NALCN: variants seen among roughly 807,000 people sequenced by gnomAD.
NALCN encodes sodium leak channel, non-selective.
Under a neutral mutation model 225.3 loss-of-function variants are expected in NALCN, and 111 were observed. That is an observed-to-expected ratio of 0.49 (90% CI 0.42 to 0.58). NALCN has a LOEUF of 0.58. NALCN is among the 20% of genes least tolerant of loss of function. NALCN has a pLI of 0.00. For synonymous variants in NALCN, 764 were observed against 769.0 expected (o/e 0.99, Z 0.11); for missense variants, 1,378 against 2,202.4 (o/e 0.63, Z 7.49).
chr13:101,345,399 T>G lies in NALCN; in HGVS notation c.666A>C (p.Leu222Phe). 1 of 1,613,452 alleles carries G rather than the reference T, an allele frequency of 6.2e-7. No homozygotes were observed. Among genetic ancestry groups the G allele is most frequent in the African/African-American group, 1.3e-5 (1 of 75,006 alleles). ...TKPGNVTWNS[L>F]AIPDTHCSPE... Reference sequence around the variant, plus strand: ...GTGAGCAGTGTGTGTCTGGAATAGCTAAACTATTCCAGGTTACATTCCTGT... The same window carrying G: ...GTGAGCAGTGTGTGTCTGGAATAGCGAAACTATTCCAGGTTACATTCCTGT... Residue 222 changes from leucine (L) to phenylalanine (F), a missense_variant, in exon 7 of 44, where the codon TTA (leucine) becomes TTC (phenylalanine). Around this residue, in one of 19 missense-constraint regions of NALCN, gnomAD observed 67 missense variants for 82.1 expected, o/e 0.82. Coordinates refer to ENST00000251127, the MANE Select transcript of NALCN (RefSeq NM_052867.4).
intron 13 of NALCN, among the ~76,000 whole-genome samples, chr13:101,219,794 A>G (rs978372642): frequency 4.6e-5 from 7 of 152,144 alleles, no homozygotes; most frequent in African/African-American, 1.7e-4. Context: ...AAGTGACCTA[A>G]TGGATAATAG....
chr13:101,164,407 T>A (rs1334713822), intron 15 of NALCN, among the ~76,000 whole-genome samples: 1 of 152,082 alleles, frequency 6.6e-6, no homozygotes, highest in African/African-American at 2.4e-5. Context: ...TTCTCCTACC[T>A]CAGCCTCACA....
intron 15 of NALCN, among the ~76,000 whole-genome samples, chr13:101,174,855 A>C (rs1046019220): frequency 2.6e-5 from 4 of 152,222 alleles, no homozygotes; most frequent in Non-Finnish European, 4.4e-5. Context: ...AGGATAGTAC[A>C]TATCTGTGCA....
intron 13 of NALCN, among the ~76,000 whole-genome samples, chr13:101,218,235 C>T (rs1402930223): frequency 6.6e-6 from 1 of 152,120 alleles, no homozygotes; most frequent in Non-Finnish European, 1.5e-5. Flanking sequence ...ATTTTGCTAA[C>T]ATAGGAAGAC....
intron 17 of NALCN, among the ~76,000 whole-genome samples, chr13:101,141,647 G>A (rs941304529): frequency 3.3e-5 from 5 of 151,402 alleles, no homozygotes; most frequent in African/African-American, 1.2e-4. Flanking sequence ...AAAGGGGGAG[G>A]TGAAAAAGGA....
At chr13:101,322,437 T>A (rs1035340785) in intron 7 of NALCN, among the ~76,000 whole-genome samples, 3 of 152,228 alleles carry the variant, frequency 2.0e-5, no homozygotes, top group African/African-American at 7.2e-5. Flanking sequence ...AAGTATATGT[T>A]TTTATATTAA....
At chr13:101,408,440 G>A (rs1220378319) in intron 1 of NALCN, among the ~76,000 whole-genome samples, 7 of 152,010 alleles carry the variant, frequency 4.6e-5, no homozygotes, top group South Asian at 2.1e-4. Flanking sequence ...GGAGTCCTGC[G>A]TCTCCCCCAG....
At position 101,090,651 on chromosome 13, in the gene NALCN, T is replaced by C. The variant is rs879296910; in HGVS notation, c.3270-685A>G. Among the ~76,000 whole-genome samples, 7 of 152,218 alleles carry C rather than the reference T, an allele frequency of 4.6e-5. No homozygotes were observed. In the East Asian group the frequency reaches 5.8e-4, roughly 13 times the overall value. ...TGGACTCTTAGTCTGGTCCCCTTTATGGGTGGTATGCTTTCTACCTCCACC... is the reference window on the plus strand; with the variant it reads ...TGGACTCTTAGTCTGGTCCCCTTTACGGGTGGTATGCTTTCTACCTCCACC... On this transcript the variant is annotated intron_variant, in intron 28 of 43. Coordinates refer to ENST00000251127, the MANE Select transcript of NALCN (RefSeq NM_052867.4).
intron 28 of NALCN, among the ~76,000 whole-genome samples, chr13:101,090,479 T>C (rs2034174966): frequency 6.6e-6 from 1 of 152,216 alleles, no homozygotes; most frequent in South Asian, 2.1e-4. Context: ...TATTTCACTT[T>C]GTGTCATCAT....
chr13:101,169,978 T>C (rs1267555163), intron 15 of NALCN, among the ~76,000 whole-genome samples: 1 of 152,200 alleles, frequency 6.6e-6, no homozygotes, highest in African/African-American at 2.4e-5. Flanking sequence ...CATCAGGAGA[T>C]GCAACCAGTG....
chr13:101,287,491 C>A (rs2139026348), intron 9 of NALCN, among the ~76,000 whole-genome samples: 1 of 152,276 alleles, frequency 6.6e-6, no homozygotes, highest in Admixed American at 6.5e-5. Context: ...ACTTTCCAAT[C>A]ATTGTCATTT....
At chr13:101,064,498 A>ACATTAG (rs1191205691) in intron 40 of NALCN, among the ~76,000 whole-genome samples, 1 of 152,124 alleles carries the variant, frequency 6.6e-6, no homozygotes, top group Non-Finnish European at 1.5e-5. Context: ...ACAGTGGAGT[A>ACATTAG]GAATGGACTC....
intron 18 of NALCN, among the ~76,000 whole-genome samples, chr13:101,112,652 G>C (rs1358501001): frequency 6.6e-6 from 1 of 152,190 alleles, no homozygotes; most frequent in Non-Finnish European, 1.5e-5. Context: ...ATGATTTTAT[G>C]ATATGCAAAT....
Position 101,111,129 on chromosome 13 carries a change from G to T in NALCN, c.2290C>A (p.Arg764Ser). 1 of 1,604,138 alleles carries T rather than the reference G, an allele frequency of 6.2e-7. No individual in the cohort carries two copies. ...LSVQHHIRQE[R>S]RSLRHGSNSQ... is the part of the protein sequence containing the mutation. ...CCTGTCTTCCCAAGTATTTACCTGC[G>T]CTCTTGGCGGATATGATGCTGCACG... The change falls in exon 19 of 44, where the codon CGC (arginine) becomes AGC (serine). Residue 764 changes from arginine (R) to serine (S), a missense_variant. Physicochemically the swap from Arg to Ser is moderately radical, Grantham distance 110 (BLOSUM62 -1). This residue lies in a region of NALCN where 66 missense variants were observed against 85.7 expected (regional missense o/e 0.77). Coordinates refer to ENST00000251127, the MANE Select transcript of NALCN (RefSeq NM_052867.4).
chr13:101,199,602 G>A (rs530651862), intron 13 of NALCN, among the ~76,000 whole-genome samples: 1 of 132,274 alleles, frequency 7.6e-6, no homozygotes, highest in Admixed American at 9.3e-5. Flanking sequence ...TGAACAATGA[G>A]AACACTTGGA....
At chr13:101,078,465 T>C (rs1034509243) in intron 34 of NALCN, among the ~76,000 whole-genome samples, 3 of 152,230 alleles carry the variant, frequency 2.0e-5, no homozygotes, top group Admixed American at 1.3e-4. Context: ...CCTGGATATA[T>C]ATAAGACAGA....
At chr13:101,188,648 A>C (rs1225009768) in intron 14 of NALCN, among the ~76,000 whole-genome samples, 3 of 147,298 alleles carry the variant, frequency 2.0e-5, no homozygotes, top group Admixed American at 2.0e-4. Flanking sequence ...ATATATACAC[A>C]CACACACGTG....
At chr13:101,085,969 G>A (rs1181204297) in intron 30 of NALCN, among the ~76,000 whole-genome samples, 1 of 151,902 alleles carries the variant, frequency 6.6e-6, no homozygotes, top group South Asian at 2.1e-4. Flanking sequence ...GGTCCCTGCT[G>A]GGTCTTTCTA....
At chr13:101,374,516 A>T (rs1282285998) in intron 6 of NALCN, among the ~76,000 whole-genome samples, 1 of 151,582 alleles carries the variant, frequency 6.6e-6, no homozygotes, top group African/African-American at 2.4e-5. Context: ...GGAACTCCTG[A>T]CCTCAGGTTA....
Sources: allele counts gnomAD v4.1 joint callset (sites outside exome capture counted in the v4.1 genomes callset), GRCh38; gene constraint gnomAD v4.1.1; regional missense constraint gnomAD v4.1.1; transcripts MANE v1.5; gene names NCBI Gene and HGNC (gene_info 2026-07-23, HGNC 2026-07-21).